The following MED21 variants were observed in gnomAD, a reference collection of about 807,000 sequenced individuals.
MED21 encodes the protein mediator of RNA polymerase II transcription subunit 21.
In MED21, 9 loss-of-function variants were observed where a neutral mutation model predicts 18.2. The ratio of observed to expected loss-of-function variants is 0.49; its 90% confidence interval spans 0.30 to 0.86. The LOEUF is 0.86. MED21 is among the 40% of genes least tolerant of loss of function. MED21 has a pLI of 0.07. For synonymous variants in MED21, 73 were observed against 60.5 expected (o/e 1.21, Z -0.96); for missense variants, 150 against 170.9 (o/e 0.88, Z 0.68).
chr12:27,030,694 T>C (rs1425150628), downstream of MED21: 1 of 152,304 alleles, frequency 6.6e-6, no homozygotes, highest in Non-Finnish European at 1.5e-5. Flanking sequence ...GCTTTTTTCA[T>C]ATGTTAAGAA....
intron 2 of MED21, among the ~76,000 whole-genome samples, chr12:27,036,710 G>T (rs193299756): frequency 0.011 from 1,722 of 152,256 alleles, 34 homozygotes; most frequent in African/African-American, 0.039. Context: ...TTTCCCCATT[G>T]CTTGTTTTTC....
At chr12:27,026,316 C>A in intron 1 of MED21, 104 bp from the exon 2 acceptor site, 1 of 658,114 alleles carries the variant, frequency 1.5e-6, no homozygotes, top group South Asian at 2.0e-5. Flanking sequence ...TATTCCCTTG[C>A]TCAGAGATTA....
At chr12:27,035,206 G>C (rs1941642332), downstream of MED21, among the ~76,000 whole-genome samples, 1 of 152,088 alleles carries the variant, frequency 6.6e-6, no homozygotes, top group South Asian at 2.1e-4. Flanking sequence ...GACAGACCCT[G>C]TCTCAAACAA....
intron 1 of MED21, among the ~76,000 whole-genome samples, chr12:27,023,497 A>G (rs550451380): frequency 2.6e-5 from 4 of 151,686 alleles, no homozygotes; most frequent in Non-Finnish European, 5.9e-5. Flanking sequence ...GGGTTTCACC[A>G]TGTTGTCCAG....
At chr12:27,030,927 T>G (rs11835886), downstream of MED21, among the ~76,000 whole-genome samples, 34,438 of 152,152 alleles carry the variant, frequency 0.23, 4,919 homozygotes, top group Non-Finnish European at 0.33. Flanking sequence ...TTTCTTTTTT[T>G]GAGATGGAGT....
chr12:27,025,912 A>G (rs1941538609), intron 1 of MED21, among the ~76,000 whole-genome samples: 1 of 152,204 alleles, frequency 6.6e-6, no homozygotes, highest in Admixed American at 6.5e-5. Flanking sequence ...CTGCTTACTT[A>G]AGGTGCTTTT....
downstream of MED21, among the ~76,000 whole-genome samples, chr12:27,035,403 CTT>C (rs374063412): frequency 7.4e-4 from 102 of 137,318 alleles, no homozygotes; most frequent in South Asian, 2.1e-3. Flanking sequence ...AACTAAATCT[CTT>C]TTTTTTTTTT....
At chr12:27,025,022 T>C (rs1039169645) in intron 1 of MED21, among the ~76,000 whole-genome samples, 1 of 152,256 alleles carries the variant, frequency 6.6e-6, no homozygotes, top group African/African-American at 2.4e-5. Context: ...TATGTCTCTG[T>C]AGTGTTTATA....
At chr12:27,028,188 A>G in intron 3 of MED21, 97 bp from the exon 4 acceptor site, 1 of 1,393,196 alleles carries the variant, frequency 7.2e-7, no homozygotes, top group Non-Finnish European at 9.5e-7. Context: ...AAAACATATC[A>G]CAATGATTGC....
chr12:27,036,810 G>T (rs185517944), intron 2 of MED21, among the ~76,000 whole-genome samples: 1 of 152,036 alleles, frequency 6.6e-6, no homozygotes, highest in East Asian at 1.9e-4. Flanking sequence ...CTCTGTTTTG[G>T]TACCAGTACC....
At chr12:27,033,095 T>C (rs1335852637), downstream of MED21, among the ~76,000 whole-genome samples, 1 of 152,200 alleles carries the variant, frequency 6.6e-6, no homozygotes, top group East Asian at 1.9e-4. Context: ...TTTGAAGCAT[T>C]CTCCTTATTG....
chr12:27,025,838 A>G (rs1287453783), intron 1 of MED21, among the ~76,000 whole-genome samples: 2 of 150,838 alleles, frequency 1.3e-5, no homozygotes, highest in African/African-American at 2.4e-5. Context: ...CAATCTTTAA[A>G]AGTACTTAAG....
At chr12:27,027,530 G>A in intron 3 of MED21, 83 bp downstream of exon 3, 1 of 938,666 alleles carries the variant, frequency 1.1e-6, no homozygotes, top group Non-Finnish European at 1.7e-6. Flanking sequence ...TTTTGTCTGT[G>A]TCCATTTGTG....
chr12:27,035,225 C>CT (rs1240293743), downstream of MED21, among the ~76,000 whole-genome samples: 2 of 152,106 alleles, frequency 1.3e-5, no homozygotes, highest in Non-Finnish European at 2.9e-5. Context: ...AAAATAAAAA[C>CT]AACAGGCAGT....
chr12:27,026,924 A>G (rs1370379455), intron 2 of MED21, among the ~76,000 whole-genome samples: 1 of 152,130 alleles, frequency 6.6e-6, no homozygotes, highest in African/African-American at 2.4e-5. Context: ...TATTTTAATC[A>G]TTAGAATCTT....
At chr12:27,032,308 A>G (rs763843654), downstream of MED21, among the ~76,000 whole-genome samples, 6 of 152,204 alleles carry the variant, frequency 3.9e-5, no homozygotes, top group Non-Finnish European at 5.9e-5. Flanking sequence ...GGGCAAGGTA[A>G]CCAGTGAGGT....
chr12:27,036,307 T>C (rs1430487871), intron 2 of MED21, among the ~76,000 whole-genome samples: 1 of 152,222 alleles, frequency 6.6e-6, no homozygotes, highest in Non-Finnish European at 1.5e-5. Context: ...CTTGTAAATT[T>C]GTTGGAGTTC....
chr12:27,033,581 A>G (rs1490460051), downstream of MED21, among the ~76,000 whole-genome samples: 1 of 152,216 alleles, frequency 6.6e-6, no homozygotes, highest in Non-Finnish European at 1.5e-5. Context: ...TGGGTAGGAA[A>G]AAAATCTCAT....
downstream of MED21, among the ~76,000 whole-genome samples, chr12:27,035,482 C>T (rs1183742606): frequency 1.3e-4 from 20 of 149,410 alleles, no homozygotes; most frequent in Admixed American, 1.3e-3. Context: ...TACATGTGCA[C>T]AATGTGCAGG....
Sources: gnomAD v4.1 joint callset for allele counts (sites outside exome capture counted in the v4.1 genomes callset) on GRCh38, gnomAD v4.1.1 for gene constraint, MANE v1.5 for transcripts, NCBI Gene and HGNC (gene_info 2026-07-23, HGNC 2026-07-21) for gene names.